MMP16: variants seen among roughly 807,000 people sequenced by gnomAD.
MMP16 encodes matrix metallopeptidase 16.
In MMP16, 12 loss-of-function variants were observed where a neutral mutation model predicts 67.8. That is an observed-to-expected ratio of 0.18 (90% CI 0.11 to 0.29). MMP16 has a LOEUF of 0.29. Among genes scored for constraint, MMP16 ranks in the 10% least tolerant of loss-of-function variants. The pLI is 1.00. For synonymous variants in MMP16, 249 were observed against 255.9 expected (o/e 0.97, Z 0.26); for missense variants, 475 against 765.7 (o/e 0.62, Z 4.48).
chr8:88,241,615 G>A (rs1236381267), intron 1 of MMP16, among the ~76,000 whole-genome samples: 1 of 152,008 alleles, frequency 6.6e-6, no homozygotes, highest in African/African-American at 2.4e-5. Flanking sequence ...TATATAACAT[G>A]ATGTTTTGAT....
At chr8:88,052,637 GC>G (rs2118216788) in intron 8 of MMP16, among the ~76,000 whole-genome samples, 1 of 152,276 alleles carries the variant, frequency 6.6e-6, no homozygotes, top group South Asian at 2.1e-4. Context: ...GGGCTACAGG[GC>G]CCTGTGAAAT....
At chr8:88,301,603 A>G (rs1811100271) in intron 1 of MMP16, among the ~76,000 whole-genome samples, 1 of 152,180 alleles carries the variant, frequency 6.6e-6, no homozygotes, top group Admixed American at 6.5e-5. Flanking sequence ...CATTATGTGT[A>G]TATAGTTAGA....
intron 7 of MMP16, among the ~76,000 whole-genome samples, chr8:88,071,799 A>G (rs1291130348): frequency 6.6e-6 from 1 of 152,178 alleles, no homozygotes; most frequent in Non-Finnish European, 1.5e-5. Flanking sequence ...ATGATCTAAG[A>G]ATAGTTTTTA....
At chr8:88,259,786 A>T (rs1374933962) in intron 1 of MMP16, among the ~76,000 whole-genome samples, 1 of 152,166 alleles carries the variant, frequency 6.6e-6, no homozygotes, top group African/African-American at 2.4e-5. Context: ...AATGCTTATG[A>T]TACATGTTGG....
chr8:88,289,115 C>T (rs908504818), intron 1 of MMP16, among the ~76,000 whole-genome samples: 1 of 150,476 alleles, frequency 6.6e-6, no homozygotes, highest in Non-Finnish European at 1.5e-5. Flanking sequence ...CAGAAAGAGA[C>T]AGAGACAGAG....
rs188563746 is a variant in MMP16 at position 88,285,450 on chromosome 8, G to A, written c.132+41625C>T. ...CCACCGTGCCCAGCTGACAGAAACT[G>A]TTTTTTTATCTTTCCCACCATTTTA... is the stretch of plus-strand genomic sequence containing the variant. On this transcript the variant is annotated intron_variant, in intron 1 of 9. Coordinates refer to ENST00000286614, the MANE Select transcript of MMP16 (RefSeq NM_005941.5). Among the ~76,000 whole-genome samples the A allele has an allele frequency of 7.0e-4, 107 of 152,108 alleles. 1 individual carries two copies. Among genetic ancestry groups the A allele is most frequent in the African/African-American group, 2.5e-3 (102 of 41,484 alleles).
intron 1 of MMP16, among the ~76,000 whole-genome samples, chr8:88,240,294 T>C (rs1001787076): frequency 6.6e-6 from 1 of 152,190 alleles, no homozygotes; most frequent in African/African-American, 2.4e-5. Context: ...TGTAATATTT[T>C]AGTTGCAATC....
At chr8:88,286,334 C>G (rs56165694) in intron 1 of MMP16, among the ~76,000 whole-genome samples, 15,742 of 152,076 alleles carry the variant, frequency 0.1, 970 homozygotes, top group South Asian at 0.18. Flanking sequence ...TCTCCTTATC[C>G]TTGGCTTTGG....
rs953954213 is a variant in MMP16, at chr8:88,116,686, G to T, written c.904C>A (p.Pro302Thr). The T allele has an allele frequency of 1.2e-6, 2 of 1,613,620 alleles. No homozygotes were observed. The highest frequency in any genetic ancestry group is 1.7e-6 in the Non-Finnish European group (2 of 1,179,810). Residue 302 changes from proline to threonine, a missense_variant, in exon 6 of 10, where the codon CCT becomes ACT. Physicochemically the swap from Pro to Thr is conservative, Grantham distance 38. Transcript: ENST00000286614. ...CGGTGTGGGGGCACTGTCGGTAGAGGTCTTGTAGGTGGAGGAATCTTGTCA... is the reference window on the plus strand; with the variant it reads ...CGGTGTGGGGGCACTGTCGGTAGAGTTCTTGTAGGTGGAGGAATCTTGTCA... Reference protein sequence around the residue: ...PPDKIPPPTRPLPTVPPHRSI... With the variant: ...PPDKIPPPTRTLPTVPPHRSI...
chr8:88,169,131 T>C (rs957681376), intron 3 of MMP16, among the ~76,000 whole-genome samples: 2 of 152,206 alleles, frequency 1.3e-5, no homozygotes, highest in African/African-American at 2.4e-5. Flanking sequence ...GGTTAAATTA[T>C]GGCATCTCTA....
intron 1 of MMP16, among the ~76,000 whole-genome samples, chr8:88,204,355 A>T (rs747492277): frequency 6.6e-6 from 1 of 152,144 alleles, no homozygotes; most frequent in Non-Finnish European, 1.5e-5. Flanking sequence ...CAACTTCTCC[A>T]GGATCCTGTG....
intron 1 of MMP16, among the ~76,000 whole-genome samples, chr8:88,311,042 A>G (rs954842564): frequency 6.6e-6 from 1 of 152,140 alleles, no homozygotes; most frequent in Non-Finnish European, 1.5e-5. Context: ...ATATTAATAA[A>G]ATACTGTGAT....
chr8:88,294,473 C>G (rs1281054700), intron 1 of MMP16, among the ~76,000 whole-genome samples: 1 of 149,608 alleles, frequency 6.7e-6, no homozygotes, highest in African/African-American at 2.4e-5. Flanking sequence ...TCTGTACACA[C>G]ATATGTATGT....
chr8:88,326,698 G>A (rs544048492), intron 1 of MMP16: 13 of 182,568 alleles, frequency 7.1e-5, no homozygotes, highest in Non-Finnish European at 1.3e-4. Flanking sequence ...ACAATACCTA[G>A]GCAGCACATG....
intron 1 of MMP16, among the ~76,000 whole-genome samples, chr8:88,271,524 C>T (rs1810562361): frequency 1.3e-5 from 2 of 152,262 alleles, no homozygotes; most frequent in Admixed American, 6.5e-5. Context: ...GATGGAGTCT[C>T]ACTCTGTCGC....
chr8:88,231,546 C>G (rs1809859067), intron 1 of MMP16, among the ~76,000 whole-genome samples: 1 of 152,130 alleles, frequency 6.6e-6, no homozygotes, highest in South Asian at 2.1e-4. Context: ...GCAGAGCAAC[C>G]AAAACACATG....
chr8:88,044,936 C>A (rs913858444), intron 9 of MMP16, among the ~76,000 whole-genome samples: 2 of 152,144 alleles, frequency 1.3e-5, no homozygotes, highest in Non-Finnish European at 2.9e-5. Flanking sequence ...TCTGATTTTA[C>A]TGCCTCCAAT....
At chr8:88,311,578 T>A (rs1654859821) in intron 1 of MMP16, among the ~76,000 whole-genome samples, 1 of 152,204 alleles carries the variant, frequency 6.6e-6, no homozygotes, top group South Asian at 2.1e-4. Context: ...AATTATTTTT[T>A]CATAAAAATG....
chr8:88,115,610 A>G (rs981633670), intron 6 of MMP16, among the ~76,000 whole-genome samples: 1 of 152,104 alleles, frequency 6.6e-6, no homozygotes, highest in African/African-American at 2.4e-5. Context: ...TTACATAGAC[A>G]GTATGTAAGT....
Sources: gnomAD v4.1 joint callset for allele counts (sites outside exome capture counted in the v4.1 genomes callset) on GRCh38, gnomAD v4.1.1 for gene constraint, MANE v1.5 for transcripts, NCBI Gene and HGNC (gene_info 2026-07-23, HGNC 2026-07-21) for gene names.